The following SRGAP1 variants were observed in gnomAD, a reference collection of about 807,000 sequenced individuals.
SRGAP1 encodes SLIT-ROBO Rho GTPase-activating protein 1.
In SRGAP1, 43 loss-of-function variants were observed where a neutral mutation model predicts 121.9. The ratio of observed to expected loss-of-function variants is 0.35; its 90% confidence interval spans 0.28 to 0.46. The LOEUF is 0.46. Among genes scored for constraint, SRGAP1 ranks in the 20% least tolerant of loss-of-function variants. The probability of loss-of-function intolerance (pLI) is 1.00; values close to 1 mark genes in which losing one functional copy is unlikely to be tolerated. For missense variants in SRGAP1, 1,102 were observed against 1,350.9 expected (o/e 0.82, Z 2.89); for synonymous variants, 447 against 485.4 (o/e 0.92, Z 1.04).
At chr12:64,068,745 C>T (rs2035586897) in intron 8 of SRGAP1, among the ~76,000 whole-genome samples, 1 of 151,800 alleles carries the variant, frequency 6.6e-6, no homozygotes, top group South Asian at 2.1e-4. Context: ...CACAGTGGCT[C>T]ACGCCTATAA....
chr12:64,001,999 G>T (rs1157645134), intron 3 of SRGAP1, among the ~76,000 whole-genome samples: 1 of 152,158 alleles, frequency 6.6e-6, no homozygotes, highest in Non-Finnish European at 1.5e-5. Flanking sequence ...GTAGTTTGGG[G>T]AAGAAGACCA....
At chr12:63,905,317 T>C (rs539984357) in intron 1 of SRGAP1, among the ~76,000 whole-genome samples, 2 of 152,312 alleles carry the variant, frequency 1.3e-5, no homozygotes, top group South Asian at 2.1e-4. Context: ...AGTGGCCACA[T>C]GTGTCCAGGT....
At chr12:64,063,682 A>G (rs926404590) in intron 7 of SRGAP1, among the ~76,000 whole-genome samples, 2 of 152,134 alleles carry the variant, frequency 1.3e-5, no homozygotes, top group African/African-American at 4.8e-5. Flanking sequence ...TAAACTGATT[A>G]TGAGTTACAG....
intron 1 of SRGAP1, among the ~76,000 whole-genome samples, chr12:63,978,185 T>C (rs2033142367): frequency 1.3e-5 from 2 of 152,256 alleles, no homozygotes; most frequent in African/African-American, 4.8e-5. Flanking sequence ...GGAATTGTGA[T>C]ATAGCTATCT....
rs1210853852 is a variant in SRGAP1 at position 64,147,711 on chromosome 12, GT to G, written c.*5041del. On this transcript the variant is annotated 3_prime_UTR_variant, in exon 22 of 22. Transcript: ENST00000355086. ...AAGAAAAAAAATGTTTTGTTAATCT[GT>G]TGTGACAATGCACTTTTATGTATAG... 3 of 398,480 alleles carry G rather than the reference GT, an allele frequency of 7.5e-6. No individual in the cohort carries two copies. The highest frequency in any genetic ancestry group is 6.2e-5 in the African/African-American group (3 of 48,618). The allele number at this position is 398,480 out of a possible 1,614,324, so 24.7% of individuals were successfully genotyped here.
At chr12:64,100,415 A>G (rs2036235293) in intron 15 of SRGAP1, among the ~76,000 whole-genome samples, 1 of 152,214 alleles carries the variant, frequency 6.6e-6, no homozygotes, top group African/African-American at 2.4e-5. Flanking sequence ...GAAAAAATCT[A>G]TGGAGATATC....
At chr12:64,093,788 T>C (rs778411328) in intron 12 of SRGAP1, among the ~76,000 whole-genome samples, 4 of 152,144 alleles carry the variant, frequency 2.6e-5, no homozygotes, top group Non-Finnish European at 4.4e-5. Context: ...AATTGAGCCA[T>C]TAACTGGTTT....
intron 4 of SRGAP1, chr12:64,032,477 G>A: frequency 9.9e-7 from 1 of 1,011,738 alleles, no homozygotes. Flanking sequence ...TTGTGGGTCA[G>A]AAGAGAACTG....
At chr12:63,963,442 G>A (rs562640235) in intron 1 of SRGAP1, among the ~76,000 whole-genome samples, 1 of 152,256 alleles carries the variant, frequency 6.6e-6, no homozygotes, top group East Asian at 1.9e-4. Context: ...ACACATAATT[G>A]TACATGAGAT....
Position 64,027,075 on chromosome 12 carries a change from A to G in SRGAP1, c.489+10063A>G, listed in dbSNP as rs74097549. ...TAGGAGCTTCAGGTGAGACAGTACC[A>G]GTTCAGGGGGCTTTCAGTCTAGCAG... On this transcript the variant is annotated intron_variant, in intron 4 of 21. Coordinates refer to ENST00000355086, the MANE Select transcript of SRGAP1 (RefSeq NM_020762.4). 2.6e-3 allele frequency among the ~76,000 whole-genome samples: 397 copies of G among 152,208 alleles called. 3 individuals are homozygous for G. Among genetic ancestry groups the G allele is most frequent in the African/African-American group, 8.6e-3 (359 of 41,508 alleles).
At chr12:64,071,664 G>C (rs1427266885) in intron 8 of SRGAP1, among the ~76,000 whole-genome samples, 1 of 152,168 alleles carries the variant, frequency 6.6e-6, no homozygotes, top group Non-Finnish European at 1.5e-5. Flanking sequence ...CAGGTTTTCT[G>C]AGACACAGCT....
rs752576642 is a variant in SRGAP1 at position 63,924,056 on chromosome 12, G to A, written c.68-59891G>A. Among the ~76,000 whole-genome samples, 5 of 152,222 alleles carry A rather than the reference G, an allele frequency of 3.3e-5. No homozygotes were observed. The South Asian group carries it at 6.2e-4, about 19-fold the overall frequency. On this transcript the variant is annotated intron_variant, in intron 1 of 21. Coordinates refer to ENST00000355086, the MANE Select transcript of SRGAP1 (RefSeq NM_020762.4). ...CTTGAGAGGCCAAGGCAGGAGAATCGCTTGAACCTGGGAGGTGGAGGTTGC... is the reference window on the plus strand; with the variant it reads ...CTTGAGAGGCCAAGGCAGGAGAATCACTTGAACCTGGGAGGTGGAGGTTGC...
At chr12:64,131,461 A>G (rs920105053) in intron 21 of SRGAP1, among the ~76,000 whole-genome samples, 8 of 152,222 alleles carry the variant, frequency 5.3e-5, no homozygotes, top group African/African-American at 1.9e-4. Context: ...GCCCACTGGG[A>G]AAGATTCCCT....
chr12:63,977,851 T>C (rs1360350589), intron 1 of SRGAP1, among the ~76,000 whole-genome samples: 1 of 152,222 alleles, frequency 6.6e-6, no homozygotes, highest in Non-Finnish European at 1.5e-5. Context: ...ACTGCCATTA[T>C]GATTATTTAG....
Position 64,115,840 on chromosome 12 carries a change from C to T in SRGAP1, c.2171C>T (p.Thr724Ile), listed in dbSNP as rs1189405026. 1.9e-6 allele frequency: 3 copies of T among 1,613,650 alleles called. No homozygotes were observed. The highest frequency in any genetic ancestry group is 1.3e-5 in the African/African-American group (1 of 75,028). The change falls in exon 18 of 22, where the codon ACA (threonine) becomes ATA (isoleucine). Residue 724 changes from threonine to isoleucine, a missense_variant. By Grantham distance (89) the Thr-to-Ile change is moderately conservative (BLOSUM62 -1). Transcript: ENST00000355086. ...YCDSPYSEHG[T>I]LEEVDQDAGT... ...GACAGCCCATACAGTGAGCACGGTACATTGGAGGAAGTGGACCAAGATGCT... is the reference window on the plus strand; with the variant it reads ...GACAGCCCATACAGTGAGCACGGTATATTGGAGGAAGTGGACCAAGATGCT...
rs1380651621 is a variant in SRGAP1 at position 64,142,334 on chromosome 12, C to T, written c.2920C>T (p.Arg974Ter). 1.9e-6 allele frequency: 3 copies of T among 1,613,882 alleles called. No individual in the cohort carries two copies. The highest frequency in any genetic ancestry group is 1.3e-5 in the African/African-American group (1 of 74,870). The change falls in exon 22 of 22, where the codon CGA becomes TGA. Residue 974 changes from arginine to a stop codon, truncating the protein, a stop_gained. Transcript: ENST00000355086. LOFTEE classifies it high-confidence loss of function. ...ETMNTALNEL[R>*]ELERQSTAKH... Reference sequence around the variant, plus strand: ...GATGAACACAGCTTTGAATGAACTCCGAGAACTGGAGAGACAGAGCACAGC... The same window carrying T: ...GATGAACACAGCTTTGAATGAACTCTGAGAACTGGAGAGACAGAGCACAGC...
At chr12:64,023,927 C>G (rs1232570714) in intron 4 of SRGAP1, among the ~76,000 whole-genome samples, 1 of 152,108 alleles carries the variant, frequency 6.6e-6, no homozygotes, top group African/African-American at 2.4e-5. Flanking sequence ...ACTTCTGTTC[C>G]CAAGGCCCAT....
In SRGAP1 at chr12:64,091,305, A is replaced by G; in HGVS notation, c.1466A>G (p.Lys489Arg). ...RPPNVPPKPQ[K>R]HRKSRPRSQY... is the part of the protein sequence containing the mutation. ...CCAAATGTTCCCCCTAAGCCCCAGAAACACAGGAAGTCCAGGCCCCGCTCA... is the reference window on the plus strand; with the variant it reads ...CCAAATGTTCCCCCTAAGCCCCAGAGACACAGGAAGTCCAGGCCCCGCTCA... Residue 489 changes from lysine to arginine, a missense_variant, in exon 12 of 22, where the codon AAA becomes AGA. Coordinates refer to ENST00000355086, the MANE Select transcript of SRGAP1 (RefSeq NM_020762.4). 6.2e-7 allele frequency: 1 copy of G among 1,609,916 alleles called. No homozygotes were observed. The highest frequency in any genetic ancestry group is 8.5e-7 in the Non-Finnish European group (1 of 1,177,594).
At chr12:63,879,554 T>A (rs140423481) in intron 1 of SRGAP1, 9 of 152,344 alleles carry the variant, frequency 5.9e-5, no homozygotes, top group African/African-American at 2.2e-4. Context: ...ATTTTCTAAA[T>A]GCTTACTGTC....
Sources: gnomAD v4.1 joint callset for allele counts (sites outside exome capture counted in the v4.1 genomes callset) on GRCh38, gnomAD v4.1.1 for gene constraint, MANE v1.5 for transcripts, NCBI Gene and HGNC (gene_info 2026-07-23, HGNC 2026-07-21) for gene names.